The following SCN10A variants were observed in gnomAD, a reference collection of about 807,000 sequenced individuals.
SCN10A encodes the protein sodium voltage-gated channel alpha subunit 10, also known as sodium channel protein type 10 subunit alpha.
In SCN10A, 162 loss-of-function variants were observed where a neutral mutation model predicts 170.7. The observed-to-expected ratio is 0.95, with a 90% confidence interval of 0.84 to 1.08. SCN10A has a LOEUF of 1.08. Ranked by LOEUF, SCN10A falls within the 50% of genes least tolerant of loss-of-function variation. The pLI, the probability that SCN10A is intolerant of heterozygous loss-of-function variation, is 0.00. For synonymous variants in SCN10A, 985 were observed against 904.6 expected, an observed-to-expected ratio of 1.09 and a Z score of -1.59; for missense variants, 2,527 against 2,436.9, an observed-to-expected ratio of 1.04 and a Z score of -0.78.
chr3:38,743,007 G>A (rs1390417050), intron 13 of SCN10A, among the ~76,000 whole-genome samples: 1 of 152,142 alleles, frequency 6.6e-6, no homozygotes, highest in African/African-American at 2.4e-5. Context: ...CCCTCCTAGA[G>A]ATCTGTGAGC....
In SCN10A at chr3:38,742,278, C is replaced by A. The variant is rs374712004; in HGVS notation, c.2106+13G>T. The A allele has an allele frequency of 1.2e-6, 2 of 1,604,072 alleles. No individual in the cohort carries two copies. Among genetic ancestry groups the A allele is most frequent in the Non-Finnish European group, 1.7e-6 (2 of 1,171,912 alleles). On this transcript the variant is annotated intron_variant, in intron 14 of 27. Coordinates refer to ENST00000449082, the MANE Select transcript of SCN10A (RefSeq NM_006514.4). ...ACCACGCCAGTGAGGGCAGTACCAG[C>A]CAGAGCACTCACGATGTTGCCTATC...
At chr3:38,805,005 T>C (rs72869623) in intron 1 of SCN10A, among the ~76,000 whole-genome samples, 2,502 of 152,234 alleles carry the variant, frequency 0.016, 51 homozygotes, top group African/African-American at 0.056. Flanking sequence ...GGAGTGTGAA[T>C]AAGTACCGTG....
At chr3:38,714,178 C>G in intron 21 of SCN10A, 98 bp from the exon 22 acceptor site, 1 of 1,447,434 alleles carries the variant, frequency 6.9e-7, no homozygotes, top group Non-Finnish European at 9.5e-7. Context: ...CCCATTCCTA[C>G]ACGTCTAAGC....
rs868167313 is a variant in SCN10A at position 38,719,521 on chromosome 3, G to A, written c.3508-695C>T. Reference sequence around the variant, plus strand: ...CCATTCTCCTGCCTCAGCCTCCCAAGTAGCTGGGACTACAGGCGCCCGCCA... The same window carrying A: ...CCATTCTCCTGCCTCAGCCTCCCAAATAGCTGGGACTACAGGCGCCCGCCA... On this transcript the variant is annotated intron_variant, in intron 20 of 27. Transcript: ENST00000449082. Among the ~76,000 whole-genome samples, 32 of 150,236 alleles carry A rather than the reference G, an allele frequency of 2.1e-4. 1 individual carries two copies. The highest frequency in any genetic ancestry group is 7.3e-4 in the African/African-American group (30 of 41,002).
intron 2 of SCN10A, among the ~76,000 whole-genome samples, chr3:38,792,748 TCAC>T (rs755254955): frequency 1.6e-3 from 120 of 73,374 alleles, no homozygotes; most frequent in Non-Finnish European, 2.7e-3. Flanking sequence ...AAACATGCAT[TCAC>T]CATTTTTTGG....
chr3:38,807,819 C>T (rs922794751), intron 1 of SCN10A, among the ~76,000 whole-genome samples: 1 of 152,110 alleles, frequency 6.6e-6, no homozygotes, highest in Non-Finnish European at 1.5e-5. Flanking sequence ...TTGCTCACAT[C>T]ATAAACATGT....
At chr3:38,757,387 C>T (rs111818369) in intron 8 of SCN10A, among the ~76,000 whole-genome samples, 1 of 152,260 alleles carries the variant, frequency 6.6e-6, no homozygotes, top group Non-Finnish European at 1.5e-5. Flanking sequence ...AGGGGAGTGG[C>T]CTGGGGAAGG....
At chr3:38,800,244 A>G (rs913367473) in intron 1 of SCN10A, among the ~76,000 whole-genome samples, 1 of 152,134 alleles carries the variant, frequency 6.6e-6, no homozygotes, top group African/African-American at 2.4e-5. Context: ...TAGTACAGTG[A>G]ACTTCACATG....
chr3:38,805,531 T>C (rs1372758271), intron 1 of SCN10A, among the ~76,000 whole-genome samples: 2 of 152,150 alleles, frequency 1.3e-5, no homozygotes, highest in Non-Finnish European at 2.9e-5. Flanking sequence ...GTGATACTGA[T>C]ATGTGTCAAG....
At chr3:38,803,905 C>T (rs2064390172) in intron 1 of SCN10A, among the ~76,000 whole-genome samples, 1 of 152,162 alleles carries the variant, frequency 6.6e-6, no homozygotes, top group Non-Finnish European at 1.5e-5. Flanking sequence ...ATTCTCATCA[C>T]AGCCACTGCT....
intron 5 of SCN10A, among the ~76,000 whole-genome samples, chr3:38,769,838 C>G (rs1183138799): frequency 6.6e-6 from 1 of 152,174 alleles, no homozygotes; most frequent in Non-Finnish European, 1.5e-5. Context: ...TCTTCTGGGC[C>G]TAGCCACACA....
chr3:38,810,699 A>G (rs1010044581), intron 1 of SCN10A, among the ~76,000 whole-genome samples: 3 of 152,264 alleles, frequency 2.0e-5, no homozygotes, highest in African/African-American at 7.2e-5. Flanking sequence ...GAGGGCAGAC[A>G]TGAAAATCAT....
chr3:38,797,975 C>A (rs913605182), intron 1 of SCN10A, among the ~76,000 whole-genome samples: 2 of 152,128 alleles, frequency 1.3e-5, no homozygotes, highest in East Asian at 1.9e-4. Flanking sequence ...AGGGACCAGT[C>A]CTTCTTTTAA....
chr3:38,791,944 G>C (rs763415127), intron 3 of SCN10A, 106 bp downstream of exon 3: 33 of 1,418,712 alleles, frequency 2.3e-5, no homozygotes, highest in Middle Eastern at 1.8e-4. Flanking sequence ...GTACTTTTGG[G>C]ATTCAATTGG....
In SCN10A at chr3:38,789,011, T is replaced by A. The variant is rs1045236727; in HGVS notation, c.415A>T (p.Thr139Ser). 2 of 1,611,778 alleles carry A rather than the reference T, an allele frequency of 1.2e-6. No homozygotes were observed. The highest frequency in any genetic ancestry group is 1.7e-6 in the Non-Finnish European group (2 of 1,178,264). The part of the protein sequence containing the change: ...HSWFSLFITV[T>S]ILVNCVCMTR... Reference sequence around the variant, plus strand: ...ATGCACACACAATTAACCAAAATAGTGACCGTAATAAATAAACTGAACCAC... The same window carrying A: ...ATGCACACACAATTAACCAAAATAGAGACCGTAATAAATAAACTGAACCAC... The change falls in exon 4 of 28, where the codon ACT (threonine) becomes TCT (serine). Residue 139 changes from threonine (T) to serine (S), a missense_variant. Physicochemically the swap from Thr to Ser is moderately conservative, Grantham distance 58 (BLOSUM62 1). Coordinates refer to ENST00000449082, the MANE Select transcript of SCN10A (RefSeq NM_006514.4).
At chr3:38,759,683 C>A (rs1001922908) in intron 8 of SCN10A, among the ~76,000 whole-genome samples, 1 of 152,164 alleles carries the variant, frequency 6.6e-6, no homozygotes, top group Non-Finnish European at 1.5e-5. Context: ...CCAATGTTTA[C>A]GGTTGGGAGA....
intron 1 of SCN10A, among the ~76,000 whole-genome samples, chr3:38,800,021 G>A (rs1300159197): frequency 6.6e-6 from 1 of 152,126 alleles, no homozygotes; most frequent in Non-Finnish European, 1.5e-5. Flanking sequence ...TTCTTTATGG[G>A]TTACACTATT....
chr3:38,811,401 C>T (rs558237863), intron 1 of SCN10A, among the ~76,000 whole-genome samples: 7 of 147,602 alleles, frequency 4.7e-5, no homozygotes, highest in South Asian at 4.3e-4. Flanking sequence ...TGCAGTGAGC[C>T]GATATTGTAC....
intron 4 of SCN10A, among the ~76,000 whole-genome samples, chr3:38,772,161 A>G (rs147445259): frequency 6.6e-6 from 1 of 151,688 alleles, no homozygotes; most frequent in African/African-American, 2.4e-5. Context: ...AAGGCAAACA[A>G]CTCCCCTCCC....
Sources: gnomAD v4.1 joint callset for allele counts (sites outside exome capture counted in the v4.1 genomes callset) on GRCh38, gnomAD v4.1.1 for gene constraint, MANE v1.5 for transcripts, NCBI Gene and HGNC (gene_info 2026-07-23, HGNC 2026-07-21) for gene names.